Variants in ANKS1B observed in about 807,000 individuals in gnomAD.
ANKS1B encodes ankyrin repeat and sterile alpha motif domain containing 1B.
A neutral mutation model predicts 148.3 loss-of-function variants in ANKS1B; 36 were observed. The observed-to-expected ratio is 0.24, with a 90% CI of 0.19 to 0.32. ANKS1B has a LOEUF of 0.32. Ranked by LOEUF, ANKS1B falls within the 10% of genes least tolerant of loss-of-function variation. The pLI is 1.00. For synonymous variants in ANKS1B, 542 were observed against 560.8 expected (o/e 0.97, Z 0.47); for missense variants, 1,157 against 1,542.6 (o/e 0.75, Z 4.19).
chr12:99,345,168 T>C (rs1051469145), intron 12 of ANKS1B, among the ~76,000 whole-genome samples: 3 of 152,098 alleles, frequency 2.0e-5, no homozygotes, highest in African/African-American at 7.2e-5. Flanking sequence ...TCAAAGATAC[T>C]GGGCAGTGAC....
chr12:98,898,219 T>C (rs1265770655), intron 17 of ANKS1B, among the ~76,000 whole-genome samples: 1 of 152,182 alleles, frequency 6.6e-6, no homozygotes, highest in Non-Finnish European at 1.5e-5. Flanking sequence ...AAACAGCTGT[T>C]AATTTTGCAA....
intron 9 of ANKS1B, among the ~76,000 whole-genome samples, chr12:99,653,212 G>A (rs1449576303): frequency 2.0e-5 from 3 of 152,050 alleles, no homozygotes; most frequent in Non-Finnish European, 4.4e-5. Context: ...TTAGAAAAAA[G>A]CAAATGTTAG....
In ANKS1B at chr12:98,825,660, T is replaced by A. The variant is rs997481315; in HGVS notation, c.3066+3514A>T. Among the ~76,000 whole-genome samples, 13 of 152,328 alleles carry A rather than the reference T, an allele frequency of 8.5e-5. 1 individual carries two copies. In the East Asian group the frequency reaches 1.9e-3, roughly 23 times the overall value. On this transcript the variant is annotated intron_variant, in intron 19 of 26. Transcript: ENST00000683438. ...CTTAACTTGCAGCATTTGGAAACTT[T>A]TTTTTTTCTTGCATGAGTTTGGAGA...
chr12:99,044,686 G>A (rs1000520535), intron 17 of ANKS1B, among the ~76,000 whole-genome samples: 45 of 152,282 alleles, frequency 3.0e-4, no homozygotes, highest in African/African-American at 9.4e-4. Context: ...AGCTCCCAGC[G>A]TAACTCTGGG....
chr12:99,334,121 C>T (rs950788470), intron 12 of ANKS1B, among the ~76,000 whole-genome samples: 4 of 150,308 alleles, frequency 2.7e-5, no homozygotes, highest in Non-Finnish European at 4.4e-5. Context: ...CAGCCATTTG[C>T]TCCTCTAAAT....
intron 8 of ANKS1B, among the ~76,000 whole-genome samples, chr12:99,745,577 G>C (rs909539390): frequency 6.6e-6 from 1 of 151,962 alleles, no homozygotes; most frequent in Admixed American, 6.6e-5. Flanking sequence ...TATCACTTGG[G>C]AAAAAGCACT....
intron 8 of ANKS1B, among the ~76,000 whole-genome samples, chr12:99,769,672 A>T (rs2063008910): frequency 6.6e-6 from 1 of 152,224 alleles, no homozygotes; most frequent in Non-Finnish European, 1.5e-5. Context: ...AAACTGGGAA[A>T]GTCATAAAAG....
At position 99,190,399 on chromosome 12, in the gene ANKS1B, A is replaced by G. The variant is rs554823717; in HGVS notation, c.2420-36004T>C. ...CATATATCCAAGATAATCCTAAGCA[A>G]AAAGATCAAAACTGGGGACATCATG... On this transcript the variant is annotated intron_variant, in intron 14 of 26. Transcript: ENST00000683438. Among the ~76,000 whole-genome samples the G allele has an allele frequency of 1.2e-4, 19 of 152,336 alleles. No homozygotes were observed. In the South Asian group the frequency reaches 3.7e-3, roughly 30 times the overall value.
chr12:99,328,332 C>T (rs1005534859), intron 12 of ANKS1B, among the ~76,000 whole-genome samples: 2 of 151,928 alleles, frequency 1.3e-5, no homozygotes, highest in East Asian at 1.9e-4. Context: ...GTGAGCAAAA[C>T]GTCGAAGATC....
chr12:99,821,840 C>T (rs557939067), intron 2 of ANKS1B, among the ~76,000 whole-genome samples: 2 of 152,048 alleles, frequency 1.3e-5, no homozygotes, highest in East Asian at 1.9e-4. Context: ...GTCTTTGTTC[C>T]TGGTGACTCA....
chr12:99,349,038 A>G (rs922840995), intron 12 of ANKS1B, among the ~76,000 whole-genome samples: 5 of 151,918 alleles, frequency 3.3e-5, no homozygotes, highest in African/African-American at 1.2e-4. Context: ...ATAACAACAC[A>G]AACACATGGG....
At chr12:98,735,350 T>C in exon 10 of ANKS1B, 1 of 421,288 alleles carries the variant, frequency 2.4e-6, no homozygotes, top group Non-Finnish European at 4.2e-6. Flanking sequence ...GCTTATATGA[T>C]TTTTTTGCCT....
At chr12:99,195,263 A>T (rs188932874) in intron 14 of ANKS1B, among the ~76,000 whole-genome samples, 16 of 152,282 alleles carry the variant, frequency 1.1e-4, no homozygotes, top group African/African-American at 3.8e-4. Context: ...TAGTCAGACA[A>T]GTTACAGAAC....
At chr12:99,020,707 A>AG (rs2099945278) in intron 17 of ANKS1B, among the ~76,000 whole-genome samples, 1 of 152,174 alleles carries the variant, frequency 6.6e-6, no homozygotes, top group South Asian at 2.1e-4. Flanking sequence ...ATTAAAACAT[A>AG]TATACACTGT....
chr12:99,865,376 G>T (rs752617044), intron 1 of ANKS1B, among the ~76,000 whole-genome samples: 1 of 152,126 alleles, frequency 6.6e-6, no homozygotes, highest in Non-Finnish European at 1.5e-5. Flanking sequence ...CGTAATCCAA[G>T]TATGTATATG....
At chr12:99,597,931 G>A (rs1299196389) in intron 9 of ANKS1B, among the ~76,000 whole-genome samples, 4 of 151,938 alleles carry the variant, frequency 2.6e-5, no homozygotes, top group Non-Finnish European at 5.9e-5. Flanking sequence ...TAAACCAAGT[G>A]TTAAATTATT....
At chr12:99,485,137 C>T (rs1019867459) in intron 10 of ANKS1B, among the ~76,000 whole-genome samples, 5 of 151,788 alleles carry the variant, frequency 3.3e-5, no homozygotes, top group East Asian at 1.9e-4. Flanking sequence ...TCCAAAGGTT[C>T]GATTTTGATA....
intron 8 of ANKS1B, among the ~76,000 whole-genome samples, chr12:99,678,054 G>A (rs909931875): frequency 3.3e-5 from 5 of 152,160 alleles, no homozygotes; most frequent in Admixed American, 2.6e-4. Flanking sequence ...CAATAAGGGA[G>A]AATATTTGGC....
chr12:99,777,624 G>C (rs2063785335), intron 6 of ANKS1B, among the ~76,000 whole-genome samples: 1 of 152,010 alleles, frequency 6.6e-6, no homozygotes, highest in Non-Finnish European at 1.5e-5. Context: ...TCGCTCTGTT[G>C]CTCAGGCTGG....
Sources: allele counts gnomAD v4.1 joint callset (sites outside exome capture counted in the v4.1 genomes callset), GRCh38; gene constraint gnomAD v4.1.1; transcripts MANE v1.5; gene names NCBI Gene and HGNC (gene_info 2026-07-23, HGNC 2026-07-21).